Variants in TAFA4 observed in about 807,000 individuals in gnomAD.
The protein encoded by TAFA4 is TAFA chemokine like family member 4.
In TAFA4, 20 loss-of-function variants were observed where a neutral mutation model predicts 21.1. That is an observed-to-expected ratio of 0.95 (90% CI 0.67 to 1.38). TAFA4 has a LOEUF of 1.38. TAFA4 is among the 40% of genes most tolerant of loss of function. The pLI is 0.00. For synonymous variants in TAFA4, 71 were observed against 67.4 expected (o/e 1.05, Z -0.26); for missense variants, 211 against 180.9 (o/e 1.17, Z -0.95).
intron 3 of TAFA4, among the ~76,000 whole-genome samples, chr3:68,813,005 C>T (rs1412608219): frequency 1.3e-5 from 2 of 152,240 alleles, no homozygotes; most frequent in East Asian, 1.9e-4. Context: ...CAAACTAGAA[C>T]TCAGGATTAA....
At chr3:68,784,047 A>G (rs766554300) in intron 3 of TAFA4, among the ~76,000 whole-genome samples, 3 of 152,230 alleles carry the variant, frequency 2.0e-5, no homozygotes, top group Non-Finnish European at 4.4e-5. Flanking sequence ...ATCAATTAAG[A>G]AAAGGTTAAG....
At chr3:68,872,073 C>T (rs900518210) in intron 3 of TAFA4, among the ~76,000 whole-genome samples, 1 of 151,998 alleles carries the variant, frequency 6.6e-6, no homozygotes, top group East Asian at 1.9e-4. Context: ...GAAAGGAAAC[C>T]AGAATATCAA....
intron 5 of TAFA4, among the ~76,000 whole-genome samples, chr3:68,738,192 A>G (rs1348947622): frequency 6.6e-6 from 1 of 152,182 alleles, no homozygotes; most frequent in Non-Finnish European, 1.5e-5. Flanking sequence ...AACATATTCT[A>G]TGAAGAGGGA....
At chr3:68,778,974 C>T (rs2106793372) in intron 3 of TAFA4, among the ~76,000 whole-genome samples, 1 of 152,314 alleles carries the variant, frequency 6.6e-6, no homozygotes, top group South Asian at 2.1e-4. Context: ...TTCCTAAAGA[C>T]TTGTTGAATG....
chr3:68,834,699 G>T (rs1704481296), intron 3 of TAFA4, among the ~76,000 whole-genome samples: 1 of 151,984 alleles, frequency 6.6e-6, no homozygotes, highest in Non-Finnish European at 1.5e-5. Context: ...GGTTGCTCAA[G>T]CCAAAAAGAC....
At chr3:68,825,183 T>C (rs1262365718) in intron 3 of TAFA4, among the ~76,000 whole-genome samples, 1 of 152,196 alleles carries the variant, frequency 6.6e-6, no homozygotes, top group Non-Finnish European at 1.5e-5. Flanking sequence ...TGTCCATCTC[T>C]TCTCATTGTT....
intron 1 of TAFA4, among the ~76,000 whole-genome samples, chr3:68,905,653 A>G (rs1414860690): frequency 1.3e-5 from 2 of 152,212 alleles, no homozygotes; most frequent in African/African-American, 4.8e-5. Context: ...GACCAGGGAC[A>G]TGTGGAAGAA....
At chr3:68,757,101 A>G (rs1158376130) in intron 3 of TAFA4, among the ~76,000 whole-genome samples, 3 of 152,088 alleles carry the variant, frequency 2.0e-5, no homozygotes, top group Non-Finnish European at 2.9e-5. Flanking sequence ...ATAACAAAAT[A>G]CCATAGACAT....
chr3:68,923,086 C>T (rs1374397598), intron 1 of TAFA4, among the ~76,000 whole-genome samples: 1 of 152,174 alleles, frequency 6.6e-6, no homozygotes, highest in Non-Finnish European at 1.5e-5. Flanking sequence ...CTCCCACTCC[C>T]CTTCCCCATA....
chr3:68,775,055 T>C (rs1703024660), intron 3 of TAFA4, among the ~76,000 whole-genome samples: 1 of 152,158 alleles, frequency 6.6e-6, no homozygotes. Flanking sequence ...TTCCAAAGGA[T>C]GTGAGGATGT....
intron 4 of TAFA4, among the ~76,000 whole-genome samples, chr3:68,746,191 C>T (rs1702455222): frequency 6.6e-6 from 1 of 152,162 alleles, no homozygotes; most frequent in African/African-American, 2.4e-5. Flanking sequence ...GAAGGCTGCA[C>T]TGTTGGCTTC....
At chr3:68,913,269 C>T (rs895587182) in intron 1 of TAFA4, among the ~76,000 whole-genome samples, 4 of 147,272 alleles carry the variant, frequency 2.7e-5, no homozygotes, top group African/African-American at 7.7e-5. Flanking sequence ...ACAGAGGATA[C>T]CTGAAAGAGC....
intron 4 of TAFA4, among the ~76,000 whole-genome samples, chr3:68,742,306 C>G (rs1051576872): frequency 2.6e-5 from 4 of 151,972 alleles, no homozygotes; most frequent in Non-Finnish European, 4.4e-5. Context: ...AGCAAGCAGG[C>G]AAGAAAAAAA....
intron 3 of TAFA4, among the ~76,000 whole-genome samples, chr3:68,793,469 T>C (rs541500815): frequency 6.6e-6 from 1 of 152,322 alleles, no homozygotes; most frequent in African/African-American, 2.4e-5. Flanking sequence ...GGCAGCCCAA[T>C]TTGGAAATCC....
intron 3 of TAFA4, among the ~76,000 whole-genome samples, chr3:68,777,765 A>C (rs2106791771): frequency 6.6e-6 from 1 of 152,326 alleles, no homozygotes; most frequent in African/African-American, 2.4e-5. Flanking sequence ...CAATGGTGGA[A>C]GTATGAGGTT....
At chr3:68,746,885 G>T (rs1702468679) in intron 4 of TAFA4, among the ~76,000 whole-genome samples, 1 of 152,158 alleles carries the variant, frequency 6.6e-6, no homozygotes, top group African/African-American at 2.4e-5. Flanking sequence ...ATTGACATTT[G>T]GACCTTGTTA....
chr3:68,798,220 G>A (rs1482182241), intron 3 of TAFA4, among the ~76,000 whole-genome samples: 3 of 152,162 alleles, frequency 2.0e-5, no homozygotes, highest in Non-Finnish European at 4.4e-5. Context: ...GCTGAAGTCA[G>A]CTGGTGTGTA....
chr3:68,804,908 C>T (rs1198853988), intron 3 of TAFA4, among the ~76,000 whole-genome samples: 2 of 152,188 alleles, frequency 1.3e-5, no homozygotes, highest in Non-Finnish European at 2.9e-5. Flanking sequence ...GACTTCATGT[C>T]TAAACCACCA....
chr3:68,811,611 A>G (rs973360779), intron 3 of TAFA4, among the ~76,000 whole-genome samples: 2 of 152,318 alleles, frequency 1.3e-5, no homozygotes, highest in East Asian at 1.9e-4. Context: ...AAGCGAGAAG[A>G]GAAGTTTAGA....
Sources: gnomAD v4.1 joint callset for allele counts (sites outside exome capture counted in the v4.1 genomes callset) on GRCh38, gnomAD v4.1.1 for gene constraint, MANE v1.5 for transcripts, NCBI Gene and HGNC (gene_info 2026-07-23, HGNC 2026-07-21) for gene names.